CDCA7L: variants seen among roughly 807,000 people sequenced by gnomAD.
The protein encoded by CDCA7L is cell division cycle-associated 7-like protein.
In CDCA7L, 44 loss-of-function variants were observed where a neutral mutation model predicts 57.4. That is an observed-to-expected ratio of 0.77 (90% CI 0.60 to 0.98). The LOEUF is 0.98. CDCA7L is among the 50% of genes least tolerant of loss of function. The pLI, the probability that CDCA7L is intolerant of heterozygous loss-of-function variation, is 0.00. For missense variants in CDCA7L, 644 were observed against 580.6 expected, an observed-to-expected ratio of 1.11 and a Z score of -1.12; for synonymous variants, 236 against 202.8, an observed-to-expected ratio of 1.16 and a Z score of -1.39.
chr7:21,902,346 T>C lies in CDCA7L; in HGVS notation c.1341A>G (p.Gln447=), dbSNP rs16891988. The change falls in exon 10 of 10, where the codon CAA becomes CAG. Residue 447 remains glutamine, a synonymous_variant. Coordinates refer to ENST00000406877, the MANE Select transcript of CDCA7L (RefSeq NM_018719.5). ...CTTAATTGTCTTCTACCAGCTCCTT[T>C]TGTAAGCTGGGAAAAAGATGAGAAG... ...DNVKEYLESL[Q]KELVEDN 0.01 allele frequency: 16,411 copies of C among 1,613,800 alleles called. 129 individuals are homozygous for C. Among genetic ancestry groups the C allele is most frequent in the South Asian group, 0.025 (2,296 of 91,068 alleles).
intron 1 of CDCA7L, among the ~76,000 whole-genome samples, chr7:21,922,515 C>G (rs926752999): frequency 2.0e-5 from 3 of 152,132 alleles, no homozygotes; most frequent in African/African-American, 7.2e-5. Flanking sequence ...TAAGAAACTT[C>G]CCATCTACAG....
intron 1 of CDCA7L, 61 bp downstream of exon 1, chr7:21,945,720 G>C (rs3823667): frequency 1.3e-6 from 2 of 1,592,702 alleles, no homozygotes. Flanking sequence ...GCAGGACCGG[G>C]TGGCAAAGGG....
chr7:21,904,320 G>A (rs1164454393), intron 7 of CDCA7L, 61 bp from the exon 8 acceptor site: 7 of 1,455,160 alleles, frequency 4.8e-6, no homozygotes, highest in Non-Finnish European at 6.4e-6. Flanking sequence ...AATGAGGCCA[G>A]ATGCCACCAT....
chr7:21,937,404 G>C (rs1299683642), intron 1 of CDCA7L, among the ~76,000 whole-genome samples: 2 of 152,150 alleles, frequency 1.3e-5, no homozygotes, highest in Non-Finnish European at 2.9e-5. Context: ...GGAGGCTGAG[G>C]TGGGCAGACT....
At chr7:21,909,516 G>T (rs1022944018) in intron 3 of CDCA7L, among the ~76,000 whole-genome samples, 10 of 152,052 alleles carry the variant, frequency 6.6e-5, no homozygotes, top group Non-Finnish European at 1.2e-4. Flanking sequence ...TTAGAAATAA[G>T]ACACAGGGAG....
chr7:21,908,112 C>T lies in CDCA7L; in HGVS notation c.681+18G>A, dbSNP rs762507892. The T allele has an allele frequency of 3.3e-6, 5 of 1,501,852 alleles. No individual in the cohort carries two copies. The highest frequency in any genetic ancestry group is 4.7e-5 in the East Asian group (2 of 42,558). 93.0% of individuals were successfully genotyped at this position (1,501,852 alleles called of 1,614,324 possible). The stretch of plus-strand genomic sequence containing the variant: ...GAGCCTGGTGCCAACTCCCAGGACG[C>T]CCTCCGTGAAGCCTCACCATGGCTT... On this transcript the variant is annotated intron_variant, in intron 4 of 9. Transcript: ENST00000406877.
At chr7:21,923,745 A>C (rs1366970415) in intron 1 of CDCA7L, among the ~76,000 whole-genome samples, 1 of 152,258 alleles carries the variant, frequency 6.6e-6, no homozygotes, top group East Asian at 1.9e-4. Flanking sequence ...TAAGCCCATT[A>C]GTTAACTGAT....
At chr7:21,924,130 G>T (rs1259389840) in intron 1 of CDCA7L, among the ~76,000 whole-genome samples, 2 of 152,082 alleles carry the variant, frequency 1.3e-5, no homozygotes, top group African/African-American at 2.4e-5. Context: ...ATAACTCAAT[G>T]ATATCTAAAT....
At chr7:21,926,490 A>C (rs1785832156) in intron 1 of CDCA7L, among the ~76,000 whole-genome samples, 1 of 152,210 alleles carries the variant, frequency 6.6e-6, no homozygotes. Context: ...GAATTTGAAC[A>C]GACCTTTCTC....
Position 21,911,732 on chromosome 7 carries a change from T to C in CDCA7L, c.188A>G (p.Lys63Arg), listed in dbSNP as rs764648693. The C allele has an allele frequency of 1.9e-6, 3 of 1,613,080 alleles. No homozygotes were observed. The highest frequency in any genetic ancestry group is 2.2e-5 in the East Asian group (1 of 44,858). Residue 63 changes from lysine to arginine, a missense_variant, in exon 3 of 10, where the codon AAA (lysine) becomes AGA (arginine). Lys to Arg is a conservative substitution (Grantham distance 26, BLOSUM62 2). Coordinates refer to ENST00000406877, the MANE Select transcript of CDCA7L (RefSeq NM_018719.5). The stretch of plus-strand genomic sequence containing the variant: ...TCTTCTTAGCTCTTCTGTGAAGTAT[T>C]TGGAATGAAAGCGCACATCCTGCTA... The part of the protein sequence containing the change: ...GKQQDVRFHS[K>R]YFTEELRRIF...
intron 1 of CDCA7L, among the ~76,000 whole-genome samples, chr7:21,937,152 G>C (rs1275799950): frequency 2.0e-5 from 3 of 152,100 alleles, no homozygotes; most frequent in Admixed American, 6.5e-5. Flanking sequence ...AGGAAGACAA[G>C]GAAATGGAGA....
At chr7:21,910,520 A>T (rs6980109) in intron 3 of CDCA7L, among the ~76,000 whole-genome samples, 26,443 of 152,180 alleles carry the variant, frequency 0.17, 4,116 homozygotes, top group African/African-American at 0.39. Flanking sequence ...GCCAAAAGTT[A>T]GTCTTTAGCA....
intron 1 of CDCA7L, among the ~76,000 whole-genome samples, chr7:21,926,185 C>T (rs537853744): frequency 6.2e-4 from 94 of 152,204 alleles, no homozygotes; most frequent in Admixed American, 1.6e-3. Context: ...AATAAGAAAA[C>T]GATCTGTTTT....
chr7:21,922,605 C>G (rs1395743575), intron 1 of CDCA7L, among the ~76,000 whole-genome samples: 5 of 152,092 alleles, frequency 3.3e-5, no homozygotes, highest in African/African-American at 1.2e-4. Context: ...ACTGCAAATG[C>G]CAGAATTCCA....
chr7:21,934,464 A>G (rs1368065512), intron 1 of CDCA7L, among the ~76,000 whole-genome samples: 1 of 152,180 alleles, frequency 6.6e-6, no homozygotes, highest in Non-Finnish European at 1.5e-5. Context: ...AATACTAAGC[A>G]ATCAACTAAA....
At chr7:21,903,915 A>C in intron 8 of CDCA7L, 195 bp downstream of exon 8, 1 of 462,566 alleles carries the variant, frequency 2.2e-6, no homozygotes, top group Non-Finnish European at 3.7e-6. Context: ...TAATTCTTCT[A>C]TTCACTGGTC....
intron 5 of CDCA7L, 32 bp from the exon 6 acceptor site, chr7:21,906,488 G>T: frequency 6.2e-7 from 1 of 1,611,018 alleles, no homozygotes; most frequent in Non-Finnish European, 8.5e-7. Context: ...GAGACAACTG[G>T]GGACTCTCTC....
intron 3 of CDCA7L, among the ~76,000 whole-genome samples, chr7:21,910,023 A>C (rs1026092882): frequency 1.2e-4 from 19 of 152,216 alleles, no homozygotes; most frequent in African/African-American, 4.6e-4. Context: ...ATTCTAAAAT[A>C]AAATTTGCAA....
chr7:21,932,449 C>T (rs895207152), intron 1 of CDCA7L, among the ~76,000 whole-genome samples: 2 of 152,258 alleles, frequency 1.3e-5, no homozygotes, highest in South Asian at 4.1e-4. Flanking sequence ...GGTACCAAAA[C>T]AGATATACAG....
Sources: allele counts gnomAD v4.1 joint callset (sites outside exome capture counted in the v4.1 genomes callset), GRCh38; gene constraint gnomAD v4.1.1; transcripts MANE v1.5; gene names NCBI Gene and HGNC (gene_info 2026-07-23, HGNC 2026-07-21).